CEP295: variants seen among roughly 807,000 people sequenced by gnomAD.
The protein encoded by CEP295 is centrosomal protein of 295 kDa.
CEP295 carries 190 observed loss-of-function variants against 291.6 expected under a neutral mutation model. The observed-to-expected ratio is 0.65, with a 90% CI of 0.58 to 0.73. The LOEUF (loss-of-function observed/expected upper bound fraction) is 0.73. CEP295 is among the 30% of genes least tolerant of loss of function. The pLI is 0.00. For missense variants in CEP295, 2,863 were observed against 2,949.4 expected, an observed-to-expected ratio of 0.97 and a Z score of 0.68; for synonymous variants, 993 against 1,038.8, an observed-to-expected ratio of 0.96 and a Z score of 0.85.
At chr11:93,692,146 A>C (rs1349335669) in intron 12 of CEP295, 116 bp downstream of exon 12, 11 of 624,764 alleles carry the variant, frequency 1.8e-5, no homozygotes, top group Non-Finnish European at 3.1e-5. Flanking sequence ...CATGTTTTTG[A>C]CATTGTCTTA....
chr11:93,710,526 G>T (rs530775636), intron 18 of CEP295, among the ~76,000 whole-genome samples: 2 of 152,168 alleles, frequency 1.3e-5, no homozygotes, highest in East Asian at 3.9e-4. Flanking sequence ...AATTCGATTT[G>T]CTAGTATTTT....
chr11:93,665,640 G>A (rs755578605), intron 1 of CEP295, among the ~76,000 whole-genome samples: 4 of 152,166 alleles, frequency 2.6e-5, no homozygotes, highest in East Asian at 1.9e-4. Context: ...CTCAGGAGAC[G>A]GAGGTTGTGG....
chr11:93,683,477 C>T, intron 7 of CEP295, 82 bp from the exon 8 acceptor site: 4 of 1,020,266 alleles, frequency 3.9e-6, no homozygotes, highest in Non-Finnish European at 5.6e-6. Flanking sequence ...CCCTGATCCT[C>T]ATTTCCCCTA....
At chr11:93,729,107 C>T in intron 25 of CEP295, 1 of 490,522 alleles carries the variant, frequency 2.0e-6, no homozygotes, top group East Asian at 3.3e-5. Context: ...TAAACTTATT[C>T]CCAGATATTG....
At position 93,730,315 on chromosome 11, in the gene CEP295, AT is replaced by A; in HGVS notation, c.*48del. On this transcript the variant is annotated 3_prime_UTR_variant, in exon 30 of 30. Coordinates refer to ENST00000325212, the MANE Select transcript of CEP295 (RefSeq NM_033395.2). ...GGTTTTTTAATTGTGTATATGTAGCATTAGACAAAATTATTTAAAGTCAATA... is the reference window on the plus strand; with the variant it reads ...GGTTTTTTAATTGTGTATATGTAGCATAGACAAAATTATTTAAAGTCAATA... 2 of 1,244,664 alleles carry A rather than the reference AT, an allele frequency of 1.6e-6. No individual in the cohort carries two copies. Among genetic ancestry groups the A allele is most frequent in the Non-Finnish European group, 2.3e-6 (2 of 874,974 alleles). 77.1% of individuals were successfully genotyped at this position (1,244,664 alleles called of 1,614,324 possible).
chr11:93,729,005 T>A (rs1213016023), intron 25 of CEP295, 184 bp downstream of exon 25: 2 of 556,968 alleles, frequency 3.6e-6, no homozygotes, highest in Non-Finnish European at 6.2e-6. Context: ...TGCATTTTCT[T>A]TTAATCCCCA....
rs1242548379 is a variant in CEP295, at chr11:93,728,815, C to G, written c.7296C>G (p.Phe2432Leu). ...AGAGCGAGAATGAAGCAAAATGCTTCTTTCAGGTAAATTTAAGCTTTCCTT... is the reference window on the plus strand; with the variant it reads ...AGAGCGAGAATGAAGCAAAATGCTTGTTTCAGGTAAATTTAAGCTTTCCTT... ...EEKSENEAKC[F>L]FQVSEFLPLV... The change falls in exon 25 of 30, where the codon TTC becomes TTG. Residue 2432 changes from phenylalanine (F) to leucine (L), a missense_variant. By Grantham distance (22) the Phe-to-Leu change is conservative. Around this residue, in one of 3 missense-constraint regions of CEP295, gnomAD observed 2,295 missense variants for 2,335.7 expected, o/e 0.98. Coordinates refer to ENST00000325212, the MANE Select transcript of CEP295 (RefSeq NM_033395.2). 6.5e-7 allele frequency: 1 copy of G among 1,536,506 alleles called. No individual in the cohort carries two copies. The highest frequency in any genetic ancestry group is 1.4e-5 in the African/African-American group (1 of 72,096).
At chr11:93,669,028 ATAG>A in intron 4 of CEP295, 96 bp downstream of exon 4, 1 of 625,642 alleles carries the variant, frequency 1.6e-6, no homozygotes, top group Non-Finnish European at 2.7e-6. Flanking sequence ...TTAAATAAAC[ATAG>A]TAGCATATTC....
At chr11:93,696,239 C>G (rs754557035) in intron 13 of CEP295, 81 bp from the exon 14 acceptor site, 1 of 757,302 alleles carries the variant, frequency 1.3e-6, no homozygotes. Flanking sequence ...TGGAAGTTTA[C>G]AATTATAGAA....
intron 18 of CEP295, among the ~76,000 whole-genome samples, chr11:93,719,076 C>T (rs1001751333): frequency 2.0e-5 from 3 of 150,800 alleles, no homozygotes; most frequent in African/African-American, 7.3e-5. Context: ...CCTCTGCACT[C>T]CAGCCTGGGT....
rs749363872 is a variant in CEP295 at position 93,697,692 on chromosome 11, A to C, written c.2780A>C (p.His927Pro). Residue 927 changes from histidine (H) to proline (P), a missense_variant, in exon 15 of 30, where the codon CAT becomes CCT. Physicochemically the swap from His to Pro is moderately conservative, Grantham distance 77 (BLOSUM62 -2). Transcript: ENST00000325212. Reference protein sequence around the residue: ...KNNIAVSSDHHVISQLQDKRL... With the variant: ...KNNIAVSSDHPVISQLQDKRL... Reference sequence around the variant, plus strand: ...AATATTGCAGTTTCCTCAGACCATCATGTGATCTCACAACTTCAGGATAAG... The same window carrying C: ...AATATTGCAGTTTCCTCAGACCATCCTGTGATCTCACAACTTCAGGATAAG... 12 of 1,551,776 alleles carry C rather than the reference A, an allele frequency of 7.7e-6. No homozygotes were observed. In the South Asian group the frequency reaches 1.4e-4, roughly 18 times the overall value.
At chr11:93,712,603 T>C (rs1264387080) in intron 18 of CEP295, among the ~76,000 whole-genome samples, 7 of 152,212 alleles carry the variant, frequency 4.6e-5, no homozygotes, top group African/African-American at 1.7e-4. Flanking sequence ...TGTTTTTTGT[T>C]TTCCATTTGC....
chr11:93,676,187 A>C (rs1950679573), intron 6 of CEP295, among the ~76,000 whole-genome samples: 1 of 151,922 alleles, frequency 6.6e-6, no homozygotes, highest in Non-Finnish European at 1.5e-5. Flanking sequence ...TTTTATCCAC[A>C]TCTCTGATTA....
At position 93,728,747 on chromosome 11, in the gene CEP295, A is replaced by C; in HGVS notation, c.7228A>C (p.Ser2410Arg). Residue 2410 changes from serine to arginine, a missense_variant, in exon 25 of 30, where the codon AGT becomes CGT. This residue lies in a region of CEP295 where 2,295 missense variants were observed against 2,335.7 expected (regional missense o/e 0.98). Transcript: ENST00000325212. ...ELTLISTTDT[S>R]IAEMDFANLT... The stretch of plus-strand genomic sequence containing the variant: ...TACTTTAATAAGCACCACTGATACC[A>C]GTATTGCTGAAATGGATTTTGCAAA... 2 of 1,550,940 alleles carry C rather than the reference A, an allele frequency of 1.3e-6. No individual in the cohort carries two copies. The highest frequency in any genetic ancestry group is 1.7e-6 in the Non-Finnish European group (2 of 1,146,672).
intron 6 of CEP295, among the ~76,000 whole-genome samples, chr11:93,676,015 A>G (rs982515986): frequency 6.6e-6 from 1 of 152,060 alleles, no homozygotes. Flanking sequence ...AATATAGTTA[A>G]TGTTTTAATA....
In CEP295 at chr11:93,687,703, A is replaced by G; in HGVS notation, c.1174A>G (p.Asn392Asp). The G allele has an allele frequency of 6.5e-7, 1 of 1,546,818 alleles. No homozygotes were observed. The highest frequency in any genetic ancestry group is 8.7e-7 in the Non-Finnish European group (1 of 1,143,442). The change falls in exon 10 of 30, where the codon AAT becomes GAT. Residue 392 changes from asparagine to aspartate, a missense_variant. By Grantham distance (23) the Asn-to-Asp change is conservative (BLOSUM62 1). Coordinates refer to ENST00000325212, the MANE Select transcript of CEP295 (RefSeq NM_033395.2). ...PSKVLFKKLL[N>D]KIRSQKSLWT... ...AAAAGTTCTTTTTAAAAAATTATTA[A>G]ATAAGATCCGAAGCCAAAAATCTCT...
At chr11:93,668,242 C>T (rs7925086) in intron 3 of CEP295, among the ~76,000 whole-genome samples, 1 of 151,928 alleles carries the variant, frequency 6.6e-6, no homozygotes, top group African/African-American at 2.4e-5. Context: ...TGTGGAAATA[C>T]TACAGTCCCA....
At chr11:93,728,470 C>G (rs1937709270) in intron 24 of CEP295, 1 of 441,868 alleles carries the variant, frequency 2.3e-6, no homozygotes, top group South Asian at 3.3e-5. Context: ...CATCCCCTCC[C>G]CAAAGTAGGC....
chr11:93,730,142 C>A lies in CEP295; in HGVS notation c.7761C>A (p.Phe2587Leu). The A allele has an allele frequency of 1.9e-6, 3 of 1,550,818 alleles. No homozygotes were observed. In the South Asian group the frequency reaches 3.6e-5, roughly 18 times the overall value. The change falls in exon 29 of 30, where the codon TTC becomes TTA. Residue 2587 changes from phenylalanine to leucine, a missense_variant. Physicochemically the swap from Phe to Leu is conservative, Grantham distance 22 (BLOSUM62 0). This residue lies in a region of CEP295 where 2,295 missense variants were observed against 2,335.7 expected (regional missense o/e 0.98). Transcript: ENST00000325212. ...YAQNRARAKEFHKKTLEKLRA... is the reference protein window; with the variant it reads ...YAQNRARAKELHKKTLEKLRA... ...AAAACAGAGCAAGGGCAAAAGAATT[C>A]CATAAGGTGAGTATAACTGAGGGAG...
Sources: allele counts gnomAD v4.1 joint callset (sites outside exome capture counted in the v4.1 genomes callset), GRCh38; gene constraint gnomAD v4.1.1; regional missense constraint gnomAD v4.1.1; transcripts MANE v1.5; gene names NCBI Gene and HGNC (gene_info 2026-07-23, HGNC 2026-07-21).